PSD3: variants seen among roughly 807,000 people sequenced by gnomAD.
The protein encoded by PSD3 is PH and SEC7 domain-containing protein 3.
A neutral mutation model predicts 105.5 loss-of-function variants in PSD3; 49 were observed. The ratio of observed to expected loss-of-function variants is 0.46; its 90% CI spans 0.37 to 0.59. The LOEUF (loss-of-function observed/expected upper bound fraction) is 0.59. PSD3 is among the 20% of genes least tolerant of loss of function. The probability of loss-of-function intolerance (pLI) is 0.00; values close to 1 mark genes in which losing one functional copy is unlikely to be tolerated. For synonymous variants in PSD3, 557 were observed against 457.8 expected, an observed-to-expected ratio of 1.22 and a Z score of -2.77; for missense variants, 1,561 against 1,263.8, an observed-to-expected ratio of 1.24 and a Z score of -3.57.
chr8:18,976,614 G>A (rs1055076918), intron 1 of PSD3, among the ~76,000 whole-genome samples: 1 of 152,156 alleles, frequency 6.6e-6, no homozygotes, highest in Non-Finnish European at 1.5e-5. Flanking sequence ...GTCTTCAAAG[G>A]TAAAACAGGG....
At position 19,013,689 on chromosome 8, in the gene PSD3, G is replaced by C; in HGVS notation, c.-106C>G. The C allele has an allele frequency of 9.5e-7, 1 of 1,047,252 alleles. No individual in the cohort carries two copies. Among genetic ancestry groups the C allele is most frequent in the Non-Finnish European group, 1.2e-6 (1 of 835,878 alleles). 64.9% of individuals were successfully genotyped at this position (1,047,252 alleles called of 1,614,324 possible). On this transcript the variant is annotated 5_prime_UTR_variant, in exon 1 of 16. Coordinates refer to ENST00000327040, the MANE Select transcript of PSD3 (RefSeq NM_015310.4). ...GCCAGCGCCGCGTGCTCTTTGTTGA[G>C]CTCCCGGGACTGCCGAGAGGCGGCG...
intron 10 of PSD3, among the ~76,000 whole-genome samples, chr8:18,641,116 C>G (rs558462723): frequency 6.6e-5 from 10 of 152,324 alleles, no homozygotes; most frequent in African/African-American, 2.2e-4. Flanking sequence ...ATACACTCCT[C>G]TAGCCAGAAC....
At chr8:18,826,906 T>C (rs963894375) in intron 4 of PSD3, among the ~76,000 whole-genome samples, 4 of 152,154 alleles carry the variant, frequency 2.6e-5, no homozygotes, top group Non-Finnish European at 5.9e-5. Flanking sequence ...GTGATATCAA[T>C]GGTATGATAA....
intron 9 of PSD3, among the ~76,000 whole-genome samples, chr8:18,715,508 G>T (rs1450157877): frequency 6.6e-6 from 1 of 152,152 alleles, no homozygotes; most frequent in African/African-American, 2.4e-5. Flanking sequence ...CTAACTTAAT[G>T]ACTTATAAAC....
chr8:19,048,541 T>C (rs1563529906), intron 1 of PSD3, among the ~76,000 whole-genome samples: 1 of 151,970 alleles, frequency 6.6e-6, no homozygotes, highest in Non-Finnish European at 1.5e-5. Context: ...AGCTTGTATA[T>C]CCGTGGAAAA....
chr8:19,066,157 A>G (rs1188759060), intron 1 of PSD3, among the ~76,000 whole-genome samples: 1 of 152,170 alleles, frequency 6.6e-6, no homozygotes, highest in African/African-American at 2.4e-5. Flanking sequence ...TTTAAACTAA[A>G]TTTGTTGAAT....
At chr8:18,669,589 G>A (rs886401530) in intron 9 of PSD3, among the ~76,000 whole-genome samples, 1 of 152,214 alleles carries the variant, frequency 6.6e-6, no homozygotes, top group African/African-American at 2.4e-5. Context: ...GGAGGCACTG[G>A]ACAAAGGAAG....
At chr8:18,631,662 T>C (rs1400281532) in intron 11 of PSD3, among the ~76,000 whole-genome samples, 1 of 151,810 alleles carries the variant, frequency 6.6e-6, no homozygotes, top group East Asian at 1.9e-4. Context: ...TAAAATTAAG[T>C]AGTCTAGTAA....
At chr8:18,714,018 C>A (rs1802418862) in intron 9 of PSD3, among the ~76,000 whole-genome samples, 2 of 152,136 alleles carry the variant, frequency 1.3e-5, no homozygotes, top group Admixed American at 6.5e-5. Flanking sequence ...CTGACAAAAG[C>A]AGGCAATGGG....
chr8:18,923,153 C>T (rs1344112398), intron 2 of PSD3, among the ~76,000 whole-genome samples: 1 of 152,046 alleles, frequency 6.6e-6, no homozygotes, highest in Non-Finnish European at 1.5e-5. Flanking sequence ...TCTTGGGCCA[C>T]AGATAAAATA....
chr8:18,579,618 T>C (rs183233472), intron 12 of PSD3, among the ~76,000 whole-genome samples: 1 of 152,320 alleles, frequency 6.6e-6, no homozygotes, highest in African/African-American at 2.4e-5. Flanking sequence ...AAAGCTTTTT[T>C]TCCCTGAGAA....
intron 4 of PSD3, among the ~76,000 whole-genome samples, chr8:18,863,587 T>C (rs1586258511): frequency 6.6e-6 from 1 of 152,164 alleles, no homozygotes; most frequent in African/African-American, 2.4e-5. Flanking sequence ...GCAAAAGTAA[T>C]TGCAGTATTG....
At chr8:18,586,203 A>C (rs1803174545) in intron 12 of PSD3, among the ~76,000 whole-genome samples, 1 of 152,196 alleles carries the variant, frequency 6.6e-6, no homozygotes, top group Non-Finnish European at 1.5e-5. Context: ...AAACCTTTGC[A>C]ACAAGCCACT....
intron 1 of PSD3, among the ~76,000 whole-genome samples, chr8:19,044,206 G>A (rs866186570): frequency 2.0e-5 from 3 of 152,164 alleles, no homozygotes; most frequent in African/African-American, 7.2e-5. Flanking sequence ...TTCATTGATT[G>A]TTCTCTATTT....
intron 10 of PSD3, among the ~76,000 whole-genome samples, chr8:18,636,093 C>G (rs59998258): frequency 0.017 from 2,529 of 152,186 alleles, 70 homozygotes; most frequent in African/African-American, 0.058. Context: ...TAGGAGATGA[C>G]AGCTTCATGC....
At chr8:18,701,978 A>G (rs1309915010) in intron 9 of PSD3, among the ~76,000 whole-genome samples, 3 of 152,200 alleles carry the variant, frequency 2.0e-5, no homozygotes, top group African/African-American at 7.2e-5. Context: ...AAATTACATG[A>G]AAGAGCTGAA....
At chr8:19,044,625 A>C (rs1054608468) in intron 1 of PSD3, among the ~76,000 whole-genome samples, 1 of 152,192 alleles carries the variant, frequency 6.6e-6, no homozygotes. Flanking sequence ...TGTCACTAAG[A>C]CTTTTAACGC....
intron 12 of PSD3, among the ~76,000 whole-genome samples, chr8:18,592,475 G>A (rs1043425861): frequency 6.6e-6 from 1 of 152,156 alleles, no homozygotes; most frequent in African/African-American, 2.4e-5. Flanking sequence ...TCTGAAATCT[G>A]AGGAAGGAAA....
chr8:18,963,501 T>C (rs1311116580), intron 1 of PSD3, among the ~76,000 whole-genome samples: 2 of 152,164 alleles, frequency 1.3e-5, no homozygotes, highest in African/African-American at 4.8e-5. Context: ...GCCAACTAAA[T>C]TGCAAAGCAT....
Sources: gnomAD v4.1 joint callset for allele counts (sites outside exome capture counted in the v4.1 genomes callset) on GRCh38, gnomAD v4.1.1 for gene constraint, MANE v1.5 for transcripts, NCBI Gene and HGNC (gene_info 2026-07-23, HGNC 2026-07-21) for gene names.